The following KRT74 variants were observed in gnomAD, a reference collection of about 807,000 sequenced individuals.
The protein encoded by KRT74 is keratin, type II cytoskeletal 74.
Under a neutral mutation model 42.7 loss-of-function variants are expected in KRT74, and 43 were observed. The ratio of observed to expected loss-of-function variants is 1.01; its 90% CI spans 0.79 to 1.30. KRT74 has a LOEUF of 1.30. Among genes scored for constraint, KRT74 ranks in the 50% most tolerant of loss-of-function variants. The pLI, the probability that KRT74 is intolerant of heterozygous loss-of-function variation, is 0.00. For synonymous variants in KRT74, 302 were observed against 279.0 expected, an observed-to-expected ratio of 1.08 and a Z score of -0.82; for missense variants, 736 against 689.1, an observed-to-expected ratio of 1.07 and a Z score of -0.76.
rs13121 is a variant in KRT74, at chr12:52,565,921, G to C, written c.*1048C>G. 0.73 allele frequency: 110,721 copies of C among 152,176 alleles called. 41,080 individuals carry two copies. Among genetic ancestry groups the C allele is most frequent in the African/African-American group, 0.87 (36,275 of 41,548 alleles). The allele number at this position is 152,176 out of a possible 1,614,324, so 9.4% of individuals were successfully genotyped here. ...GCCACGACATCTGGACTAGGCAGTA[G>C]CACTCAGCGACAGAAAAGCCAGCTC... is the stretch of plus-strand genomic sequence containing the variant. On this transcript the variant is annotated 3_prime_UTR_variant, in exon 9 of 9. Coordinates refer to ENST00000305620, the MANE Select transcript of KRT74 (RefSeq NM_175053.4).
At chr12:52,569,836 T>C (rs1020844029) in intron 6 of KRT74, 23 bp downstream of exon 6, 1 of 1,613,662 alleles carries the variant, frequency 6.2e-7, no homozygotes, top group Admixed American at 1.7e-5. Flanking sequence ...AGACCGGGAG[T>C]TCTTTGTGGG....
In KRT74 at chr12:52,572,557, G is replaced by A; in HGVS notation, c.582C>T (p.Tyr194=). ...CCAGCTGCTTCCGCAGGTTGCTGATGTAGCCCTCAAGGATGGGCTCCAGGT... is the reference window on the plus strand; with the variant it reads ...CCAGCTGCTTCCGCAGGTTGCTGATATAGCCCTCAAGGATGGGCTCCAGGT... ...KKNLEPILEG[Y]ISNLRKQLET... The change falls in exon 2 of 9, where the codon TAC becomes TAT. Residue 194 remains tyrosine (Y), a synonymous_variant. Coordinates refer to ENST00000305620, the MANE Select transcript of KRT74 (RefSeq NM_175053.4). 2 of 1,614,188 alleles carry A rather than the reference G, an allele frequency of 1.2e-6. No individual in the cohort carries two copies. Among genetic ancestry groups the A allele is most frequent in the Non-Finnish European group, 1.7e-6 (2 of 1,180,034 alleles).
intron 6 of KRT74, chr12:52,569,550 G>T (rs1032207748): frequency 5.0e-6 from 3 of 598,046 alleles, no homozygotes; most frequent in Non-Finnish European, 9.0e-6. Context: ...GGGGAACCTG[G>T]GTTCTAATCC....
chr12:52,571,068 G>A (rs547998370), intron 4 of KRT74, among the ~76,000 whole-genome samples: 13 of 152,234 alleles, frequency 8.5e-5, no homozygotes, highest in Non-Finnish European at 1.5e-4. Flanking sequence ...GGTGAATAAT[G>A]CATTTTCCAC....
In KRT74 at chr12:52,568,480, G is replaced by T. The variant is rs904171854; in HGVS notation, c.1135-91C>A. ...AGAACAATGCCCTCATTTTGCAGAT[G>T]GGGCCCTAGGTGACAAGGAGTAAAA... is the stretch of plus-strand genomic sequence containing the variant. On this transcript the variant is annotated intron_variant, in intron 6 of 8. Transcript: ENST00000305620. 3.7e-6 allele frequency: 5 copies of T among 1,368,188 alleles called. No individual in the cohort carries two copies. In the Admixed American group the frequency reaches 5.9e-5, roughly 16 times the overall value. The allele number at this position is 1,368,188 out of a possible 1,614,324, so 84.8% of individuals were successfully genotyped here.
chr12:52,567,169 C>T lies in KRT74; in HGVS notation c.1391-1G>A, dbSNP rs267607478. 6.3e-7 allele frequency: 1 copy of T among 1,589,618 alleles called. No homozygotes were observed. Among genetic ancestry groups the T allele is most frequent in the Non-Finnish European group, 8.6e-7 (1 of 1,163,806 alleles). On this transcript the variant is annotated splice_acceptor_variant, in intron 8 of 8. Coordinates refer to ENST00000305620, the MANE Select transcript of KRT74 (RefSeq NM_175053.4). LOFTEE classifies it high-confidence loss of function. ...CTGTAGCTGCTACTGCTGATGACAG[C>T]TGAGGAGGAGGGGCCAAGAGCAGGG...
intron 5 of KRT74, 87 bp downstream of exon 5, chr12:52,570,582 A>G (rs1001687748): frequency 6.9e-7 from 1 of 1,442,644 alleles, no homozygotes; most frequent in African/African-American, 1.4e-5. Flanking sequence ...CAGCATGCCC[A>G]CAAAAGTATT....
rs746293952 is a variant in KRT74 at position 52,568,368 on chromosome 12, T to C, written c.1156A>G (p.Ile386Val). The C allele has an allele frequency of 3.7e-6, 6 of 1,614,128 alleles. No homozygotes were observed. The highest frequency in any genetic ancestry group is 3.3e-5 in the Admixed American group (2 of 60,012). The change falls in exon 7 of 9, where the codon ATC becomes GTC. Residue 386 changes from isoleucine (I) to valine (V), a missense_variant. Coordinates refer to ENST00000305620, the MANE Select transcript of KRT74 (RefSeq NM_175053.4). ...TCTCCCCGCTGCTCAGCGTCAGCGA[T>C]GGCCGTCTCCAGGCTGGCACGCTGA... Reference protein sequence around the residue: ...KKQRASLETAIADAEQRGDNA... With the variant: ...KKQRASLETAVADAEQRGDNA...
Position 52,570,801 on chromosome 12 carries a change from C to T in KRT74, c.876G>A (p.Glu292=). 1 of 1,614,258 alleles carries T rather than the reference C, an allele frequency of 6.2e-7. No homozygotes were observed. The highest frequency in any genetic ancestry group is 8.5e-7 in the Non-Finnish European group (1 of 1,180,042). ...EIAQIQTHAS[E]TSVILSMDNN... ...TGTCCATGGACAGGATGACAGAGGT[C>T]TCACTGGCGTGAGTCTGGATCTGAG... The change falls in exon 5 of 9, where the codon GAG becomes GAA. Residue 292 remains glutamate (E), a synonymous_variant. Coordinates refer to ENST00000305620, the MANE Select transcript of KRT74 (RefSeq NM_175053.4).
intron 7 of KRT74, 135 bp from the exon 8 acceptor site, chr12:52,567,828 T>A: frequency 2.7e-6 from 2 of 745,910 alleles, no homozygotes; most frequent in Non-Finnish European, 4.8e-6. Flanking sequence ...ACTATCGCCT[T>A]CATCTTACAG....
At position 52,573,609 on chromosome 12, in the gene KRT74, G is replaced by A. The variant is rs201357829; in HGVS notation, c.169C>T (p.Arg57Trp). The change falls in exon 1 of 9, where the codon CGG (arginine) becomes TGG (tryptophan). Residue 57 changes from arginine to tryptophan, a missense_variant. Transcript: ENST00000305620. Reference sequence around the variant, plus strand: ...CCAGCCACATTGAAAGAAATACGCCGATTCCCTCCAAGGCTATAGAGGCTC... The same window carrying A: ...CCAGCCACATTGAAAGAAATACGCCAATTCCCTCCAAGGCTATAGAGGCTC... ...SRSLYSLGGN[R>W]RISFNVAGGG... 1.9e-5 allele frequency: 31 copies of A among 1,614,124 alleles called. No homozygotes were observed. Among genetic ancestry groups the A allele is most frequent in the South Asian group, 5.5e-5 (5 of 91,078 alleles).
Position 52,567,370 on chromosome 12 carries a change from A to G in KRT74, c.1391-202T>C, listed in dbSNP as rs611756. On this transcript the variant is annotated intron_variant, in intron 8 of 8. Transcript: ENST00000305620. ...CTTCGTGTGAGGTGAAGACCCCATCAGATAGATACAGTCCCTGCCCTCCTG... is the reference window on the plus strand; with the variant it reads ...CTTCGTGTGAGGTGAAGACCCCATCGGATAGATACAGTCCCTGCCCTCCTG... 0.75 allele frequency among the ~76,000 whole-genome samples: 113,085 copies of G among 151,536 alleles called. 43,468 individuals are homozygous for G. The highest frequency in any genetic ancestry group is 0.94 in the African/African-American group (38,939 of 41,374).
At chr12:52,568,135 T>C (rs1204370551) in intron 7 of KRT74, 34 bp downstream of exon 7, 5 of 1,612,520 alleles carry the variant, frequency 3.1e-6, no homozygotes. Context: ...CACACCCCAG[T>C]CCCTTCTCAC....
At position 52,573,520 on chromosome 12, in the gene KRT74, G is replaced by A. The variant is rs765938460; in HGVS notation, c.258C>T (p.Ala86=). Residue 86 remains alanine (A), a synonymous_variant, in exon 1 of 9, where the codon GCC becomes GCT. Coordinates refer to ENST00000305620, the MANE Select transcript of KRT74 (RefSeq NM_175053.4). The part of the protein sequence containing the change: ...RPGSGYGGGR[A]SGFAGSMFGS... ...CAAACATACTGCCAGCAAAGCCACT[G>A]GCCCGGCCCCCTCCATACCCAGAGC... The A allele has an allele frequency of 6.2e-7, 1 of 1,614,100 alleles. No individual in the cohort carries two copies. The highest frequency in any genetic ancestry group is 1.1e-5 in the South Asian group (1 of 91,078).
intron 5 of KRT74, among the ~76,000 whole-genome samples, chr12:52,570,301 T>G (rs1488072777): frequency 6.6e-6 from 1 of 152,152 alleles, no homozygotes; most frequent in Non-Finnish European, 1.5e-5. Context: ...CCCCACCAAA[T>G]TCACCCATGG....
intron 8 of KRT74, 140 bp from the exon 9 acceptor site, chr12:52,567,308 A>G: frequency 1.3e-6 from 1 of 743,602 alleles, no homozygotes; most frequent in Non-Finnish European, 2.1e-6. Context: ...GTCAAGAAGC[A>G]CTACAGAGAT....
intron 2 of KRT74, 146 bp downstream of exon 2, chr12:52,572,307 G>A: frequency 2.4e-6 from 2 of 837,008 alleles, no homozygotes. Context: ...AAGAGGATAG[G>A]CCCTTCCCCC....
chr12:52,569,799 A>G (rs1939442518), intron 6 of KRT74, 60 bp downstream of exon 6: 1 of 1,609,742 alleles, frequency 6.2e-7, no homozygotes, highest in East Asian at 2.2e-5. Flanking sequence ...GGCAGGCCCC[A>G]TTTCCTCATC....
intron 6 of KRT74, chr12:52,569,434 C>T (rs1456519249): frequency 5.0e-6 from 3 of 604,820 alleles, no homozygotes; most frequent in African/African-American, 3.7e-5. Context: ...GCACCCCACA[C>T]ATGTTCCATG....
Sources: allele counts gnomAD v4.1 joint callset (sites outside exome capture counted in the v4.1 genomes callset), GRCh38; gene constraint gnomAD v4.1.1; transcripts MANE v1.5; gene names NCBI Gene and HGNC (gene_info 2026-07-23, HGNC 2026-07-21).